Variants in RBFOX1 observed in about 807,000 individuals in gnomAD.
RBFOX1 encodes the protein RNA binding fox-1 homolog 1, also known as RNA binding protein fox-1 homolog 1.
RBFOX1 carries 8 observed loss-of-function variants against 57.7 expected under a neutral mutation model. The observed-to-expected ratio is 0.14, with a 90% CI of 0.08 to 0.25. The LOEUF is 0.25. Ranked by LOEUF, RBFOX1 falls within the 10% of genes least tolerant of loss-of-function variation. The pLI is 1.00. For synonymous variants in RBFOX1, 326 were observed against 222.4 expected (o/e 1.47, Z -4.15); for missense variants, 611 against 548.5 (o/e 1.11, Z -1.14).
intron 11 of RBFOX1, among the ~76,000 whole-genome samples, chr16:7,644,191 G>A (rs889171554): frequency 6.6e-6 from 1 of 152,250 alleles, no homozygotes; most frequent in South Asian, 2.1e-4. Flanking sequence ...AAACCGCTGG[G>A]TGAGTATCTG....
intron 2 of RBFOX1, among the ~76,000 whole-genome samples, chr16:6,528,457 T>C (rs117940459): frequency 0.022 from 3,341 of 152,332 alleles, 53 homozygotes; most frequent in Non-Finnish European, 0.031. Context: ...CCTGTTTGTT[T>C]ACATGCACCC....
intron 3 of RBFOX1, among the ~76,000 whole-genome samples, chr16:6,819,455 G>C (rs1249987135): frequency 6.6e-6 from 1 of 152,148 alleles, no homozygotes; most frequent in Admixed American, 6.5e-5. Context: ...GCTGAGGCCA[G>C]TACTTAGGGA....
intron 3 of RBFOX1, among the ~76,000 whole-genome samples, chr16:7,041,731 G>C (rs952700513): frequency 6.6e-6 from 1 of 152,110 alleles, no homozygotes; most frequent in African/African-American, 2.4e-5. Context: ...GGCCTCTTGG[G>C]GAACAAAGCC....
At chr16:5,944,137 C>A (rs1331166530) in intron 4 of RBFOX1, among the ~76,000 whole-genome samples, 1 of 152,218 alleles carries the variant, frequency 6.6e-6, no homozygotes, top group Non-Finnish European at 1.5e-5. Flanking sequence ...AGCCTTAGTT[C>A]ATATCCTAAT....
chr16:5,365,483 C>A (rs999299684), intron 1 of RBFOX1, among the ~76,000 whole-genome samples: 43 of 152,254 alleles, frequency 2.8e-4, no homozygotes, highest in African/African-American at 9.6e-4. Flanking sequence ...GCCTGGCCAA[C>A]CTGGTGAAAC....
At chr16:6,238,592 C>A (rs149621760) in intron 1 of RBFOX1, among the ~76,000 whole-genome samples, 1 of 152,156 alleles carries the variant, frequency 6.6e-6, no homozygotes, top group African/African-American at 2.4e-5. Flanking sequence ...ACCCTGGCTT[C>A]AAATTCGAAT....
chr16:5,764,766 G>T (rs1360410672), intron 3 of RBFOX1, among the ~76,000 whole-genome samples: 1 of 151,672 alleles, frequency 6.6e-6, no homozygotes, highest in African/African-American at 2.4e-5. Context: ...AAGAAAATCT[G>T]CCCTGCCTAC....
chr16:5,883,450 T>C lies in RBFOX1; in HGVS notation c.351+16115T>C, dbSNP rs13334335. On this transcript the variant is annotated intron_variant, in intron 4 of 19. Coordinates refer to the RBFOX1 transcript ENST00000641259. ...TAACTGCCTCATAACTATTCATCTC[T>C]TAGCATTGCATCTTACCATATTGGT... 7.7e-3 allele frequency among the ~76,000 whole-genome samples: 1,172 copies of C among 152,226 alleles called. 10 individuals carry two copies. The highest frequency in any genetic ancestry group is 0.027 in the African/African-American group (1,133 of 41,538).
At chr16:6,895,444 G>A (rs371601287) in intron 3 of RBFOX1, among the ~76,000 whole-genome samples, 7,377 of 72,664 alleles carry the variant, frequency 0.1, 541 homozygotes, top group Admixed American at 0.19. Context: ...GTGTGTGTGT[G>A]TGTGTATATA....
chr16:6,004,368 A>G (rs1325926141), intron 4 of RBFOX1, among the ~76,000 whole-genome samples: 1 of 152,188 alleles, frequency 6.6e-6, no homozygotes, highest in East Asian at 1.9e-4. Context: ...TATCCATTGC[A>G]TAGAGTCATA....
At chr16:7,228,949 C>G (rs918605032) in intron 4 of RBFOX1, among the ~76,000 whole-genome samples, 2 of 152,134 alleles carry the variant, frequency 1.3e-5, no homozygotes, top group East Asian at 1.9e-4. Context: ...AATAATATTA[C>G]AAGGCTTTAT....
At chr16:6,268,788 C>T (rs1303936861) in intron 1 of RBFOX1, among the ~76,000 whole-genome samples, 1 of 152,132 alleles carries the variant, frequency 6.6e-6, no homozygotes, top group East Asian at 1.9e-4. Context: ...AAGTGGACTT[C>T]TGGAAAGATG....
intron 1 of RBFOX1, among the ~76,000 whole-genome samples, chr16:5,282,222 C>T (rs967013415): frequency 2.4e-4 from 36 of 152,186 alleles, no homozygotes; most frequent in Admixed American, 1.5e-3. Context: ...CCTTGACTTC[C>T]GCAATGATTT....
chr16:5,922,187 A>G (rs1240982313), intron 4 of RBFOX1, among the ~76,000 whole-genome samples: 2 of 152,030 alleles, frequency 1.3e-5, no homozygotes, highest in Non-Finnish European at 2.9e-5. Flanking sequence ...CCCAAACCCT[A>G]GCTCTCTATG....
chr16:6,966,162 G>A (rs911545833), intron 3 of RBFOX1, among the ~76,000 whole-genome samples: 8 of 152,044 alleles, frequency 5.3e-5, no homozygotes, highest in African/African-American at 1.2e-4. Flanking sequence ...AGACATTTAC[G>A]CTCTTGCCAG....
At chr16:6,641,734 CAAAAAAAAAAAAAAAAAAAA>C (rs869202831) in intron 2 of RBFOX1, among the ~76,000 whole-genome samples, 54 of 68,950 alleles carry the variant, frequency 7.8e-4, no homozygotes, top group East Asian at 3.6e-3. Context: ...GACTCCGTCT[CAAAAAAAAAAAAAAAAAAAA>C]AAAAAAAAAA....
intron 4 of RBFOX1, among the ~76,000 whole-genome samples, chr16:7,482,227 A>G (rs35006785): frequency 0.029 from 4,444 of 152,332 alleles, 98 homozygotes; most frequent in Non-Finnish European, 0.044. Context: ...TGCCTGGTGC[A>G]TTGCATTGTA....
chr16:6,779,746 TATATAC>T (rs1436076397), intron 3 of RBFOX1, among the ~76,000 whole-genome samples: 77 of 35,326 alleles, frequency 2.2e-3, no homozygotes, highest in East Asian at 8.7e-3. Flanking sequence ...TATATTTTTA[TATATAC>T]TTTTATATAT....
At chr16:5,997,707 C>G (rs1176034131) in intron 4 of RBFOX1, among the ~76,000 whole-genome samples, 1 of 152,180 alleles carries the variant, frequency 6.6e-6, no homozygotes, top group Non-Finnish European at 1.5e-5. Flanking sequence ...TTTCCCAAGG[C>G]AAACCGTCCA....
Sources: gnomAD v4.1 joint callset for allele counts (sites outside exome capture counted in the v4.1 genomes callset) on GRCh38, gnomAD v4.1.1 for gene constraint, MANE v1.5 for transcripts, NCBI Gene and HGNC (gene_info 2026-07-23, HGNC 2026-07-21) for gene names.